Variants in SEMA4D observed in about 807,000 individuals in gnomAD.
SEMA4D encodes semaphorin-4D.
SEMA4D carries 22 observed loss-of-function variants against 74.8 expected under a neutral mutation model. The ratio of observed to expected loss-of-function variants is 0.29; its 90% CI spans 0.21 to 0.42. The LOEUF is 0.42. Ranked by LOEUF, SEMA4D falls within the 10% of genes least tolerant of loss-of-function variation. SEMA4D has a pLI of 1.00. For synonymous variants in SEMA4D, 445 were observed against 463.7 expected (o/e 0.96, Z 0.52); for missense variants, 937 against 1,118.4 (o/e 0.84, Z 2.31).
At chr9:89,496,503 G>A (rs778022886) in intron 1 of SEMA4D, among the ~76,000 whole-genome samples, 14 of 152,118 alleles carry the variant, frequency 9.2e-5, no homozygotes, top group Admixed American at 7.9e-4. Flanking sequence ...CAGTCTGAAG[G>A]TCTGGCCTTA....
intron 2 of SEMA4D, chr9:89,436,620 G>A (rs938331245): frequency 1.3e-5 from 2 of 152,388 alleles, no homozygotes; most frequent in African/African-American, 2.4e-5. Context: ...TTAAACAGCG[G>A]GGCTGTTCAG....
intron 2 of SEMA4D, among the ~76,000 whole-genome samples, chr9:89,422,103 C>T (rs1263382913): frequency 6.6e-6 from 1 of 152,206 alleles, no homozygotes; most frequent in African/African-American, 2.4e-5. Flanking sequence ...AAAAAGGTTA[C>T]ACAGGTTATA....
intron 1 of SEMA4D, among the ~76,000 whole-genome samples, chr9:89,465,923 G>A (rs1858572769): frequency 6.6e-6 from 1 of 152,236 alleles, no homozygotes; most frequent in Non-Finnish European, 1.5e-5. Flanking sequence ...AGCTTTAGCC[G>A]ATGGGAAGGT....
intron 3 of SEMA4D, among the ~76,000 whole-genome samples, chr9:89,404,162 T>TA (rs964275822): frequency 2.0e-5 from 3 of 151,174 alleles, no homozygotes; most frequent in African/African-American, 4.9e-5. Context: ...AAGAAATAAC[T>TA]AAAAAAAAAC....
intron 11 of SEMA4D, among the ~76,000 whole-genome samples, chr9:89,388,225 G>A (rs1176031405): frequency 6.6e-6 from 1 of 152,176 alleles, no homozygotes; most frequent in Non-Finnish European, 1.5e-5. Flanking sequence ...TTCCCCATGT[G>A]AGGGAAGGAA....
intron 2 of SEMA4D, among the ~76,000 whole-genome samples, chr9:89,439,135 C>T (rs1400028943): frequency 1.3e-5 from 2 of 151,638 alleles, no homozygotes; most frequent in Non-Finnish European, 2.9e-5. Flanking sequence ...GCACCCACCA[C>T]TACGCCCGGC....
At chr9:89,375,475 A>T (rs1252309187), downstream of SEMA4D, among the ~76,000 whole-genome samples, 1 of 152,246 alleles carries the variant, frequency 6.6e-6, no homozygotes, top group Non-Finnish European at 1.5e-5. Context: ...TGGCCTCAGC[A>T]GACATGGGCC....
chr9:89,399,401 C>A, intron 4 of SEMA4D, 63 bp from the exon 5 acceptor site: 1 of 1,234,096 alleles, frequency 8.1e-7, no homozygotes, highest in Non-Finnish European at 1.2e-6. Flanking sequence ...TAAAAATGCA[C>A]AATTTTAAAA....
At chr9:89,429,967 A>G (rs985857975) in intron 2 of SEMA4D, among the ~76,000 whole-genome samples, 2 of 151,994 alleles carry the variant, frequency 1.3e-5, no homozygotes, top group African/African-American at 2.4e-5. Context: ...AGAAAACCTC[A>G]TTAAAAACTC....
At chr9:89,376,767 C>G, downstream of SEMA4D, 1 of 1,501,612 alleles carries the variant, frequency 6.7e-7, no homozygotes, top group Non-Finnish European at 9.0e-7. Context: ...GATGCCCCCG[C>G]CCGCCCCCCA....
chr9:89,412,184 C>T (rs1393106627), intron 2 of SEMA4D, among the ~76,000 whole-genome samples: 6 of 152,204 alleles, frequency 3.9e-5, no homozygotes, highest in Non-Finnish European at 4.4e-5. Context: ...ACACAAACAT[C>T]CCAGTGAGAA....
At chr9:89,369,140 GC>G (rs1834154852) in intron 16 of SEMA4D, 1 of 152,044 alleles carries the variant, frequency 6.6e-6, no homozygotes, top group Non-Finnish European at 1.5e-5. Flanking sequence ...TCCCACGACG[GC>G]CGTGGCCTTT....
intron 2 of SEMA4D, among the ~76,000 whole-genome samples, chr9:89,433,653 T>C (rs1239861844): frequency 6.6e-6 from 1 of 152,138 alleles, no homozygotes. Flanking sequence ...GGGCTTCTGA[T>C]AGAAGCAATC....
chr9:89,400,067 C>T (rs1841858983), intron 4 of SEMA4D, among the ~76,000 whole-genome samples: 1 of 129,942 alleles, frequency 7.7e-6, no homozygotes, highest in Non-Finnish European at 1.7e-5. Context: ...AAAAAAGCCA[C>T]AATATTCACT....
At chr9:89,396,541 TG>T (rs1322483879) in intron 6 of SEMA4D, among the ~76,000 whole-genome samples, 195 bp downstream of exon 6, 1 of 152,234 alleles carries the variant, frequency 6.6e-6, no homozygotes, top group Non-Finnish European at 1.5e-5. Flanking sequence ...AGGAGCCAAG[TG>T]GGCTGTGTGC....
At chr9:89,408,538 T>G (rs1843789205) in intron 2 of SEMA4D, among the ~76,000 whole-genome samples, 1 of 152,202 alleles carries the variant, frequency 6.6e-6, no homozygotes, top group African/African-American at 2.4e-5. Context: ...TCCCGTTCCA[T>G]GTGACAAACA....
chr9:89,461,700 C>CTCTCTTTTT (rs71281350), intron 1 of SEMA4D, among the ~76,000 whole-genome samples: 4 of 103,646 alleles, frequency 3.9e-5, no homozygotes, highest in African/African-American at 1.0e-4. Context: ...TCTTTTTTCT[C>CTCTCTTTTT]TTTTTTTTTT....
At chr9:89,471,846 G>A (rs1215756394) in intron 1 of SEMA4D, among the ~76,000 whole-genome samples, 8 of 131,024 alleles carry the variant, frequency 6.1e-5, no homozygotes, top group Admixed American at 5.3e-4. Context: ...GCCAGCTCAG[G>A]TGCATGCCAA....
intron 16 of SEMA4D, among the ~76,000 whole-genome samples, chr9:89,371,878 A>G (rs1023068209): frequency 1.1e-3 from 8 of 7,102 alleles, no homozygotes; most frequent in East Asian, 5.9e-3. Context: ...GGGGGGTGTG[A>G]TGTGTGTGGT....
Sources: gnomAD v4.1 joint callset for allele counts (sites outside exome capture counted in the v4.1 genomes callset) on GRCh38, gnomAD v4.1.1 for gene constraint, MANE v1.5 for transcripts, NCBI Gene and HGNC (gene_info 2026-07-23, HGNC 2026-07-21) for gene names.